Variants in MFHAS1 observed in about 807,000 individuals in gnomAD.
The protein encoded by MFHAS1 is multifunctional ROCO family signaling regulator 1, also known as malignant fibrous histiocytoma-amplified sequence 1.
Under a neutral mutation model 70.4 loss-of-function variants are expected in MFHAS1, and 50 were observed. That is an observed-to-expected ratio of 0.71 (90% CI 0.57 to 0.90). The LOEUF is 0.90. MFHAS1 is among the 40% of genes least tolerant of loss of function. MFHAS1 has a pLI of 0.00. For missense variants in MFHAS1, 1,795 were observed against 1,347.6 expected, an observed-to-expected ratio of 1.33 and a Z score of -5.20; for synonymous variants, 952 against 620.0, an observed-to-expected ratio of 1.54 and a Z score of -7.96.
At position 8,892,523 on chromosome 8, in the gene MFHAS1, C is replaced by CAGGAGAGGG; in HGVS notation, c.527_535dup (p.Ser176_Ser178dup). ...GTCCAGGGTGCGCAGGCGGGAGAGG[C>CAGGAGAGGG]AGGAGAGGGAGTCAGGCAGGTGCGC... On this transcript the variant is annotated inframe_insertion, in exon 1 of 3. Coordinates refer to ENST00000276282, the MANE Select transcript of MFHAS1 (RefSeq NM_004225.3). The surrounding 1 kb of genome is among the most constrained non-coding windows in gnomAD (Gnocchi z 4.7). 1 of 1,596,734 alleles carries CAGGAGAGGG rather than the reference C, an allele frequency of 6.3e-7. No individual in the cohort carries two copies. The highest frequency in any genetic ancestry group is 8.5e-7 in the Non-Finnish European group (1 of 1,171,798).
In MFHAS1 at chr8:8,891,396, G is replaced by C; in HGVS notation, c.1663C>G (p.His555Asp). ...TTCTCCTGCAGGGCGATCTGGCGGT[G>C]AATGTCCAGACATTTCTCCTCCAGC... ...RELEEKCLDI[H>D]RQIALQEKHD... The change falls in exon 1 of 3, where the codon CAC becomes GAC. Residue 555 changes from histidine (H) to aspartate (D), a missense_variant. By Grantham distance (81) the His-to-Asp change is moderately conservative. Coordinates refer to ENST00000276282, the MANE Select transcript of MFHAS1 (RefSeq NM_004225.3). The surrounding 1 kb of genome is among the most constrained non-coding windows in gnomAD (Gnocchi z 5.4). 2 of 1,612,332 alleles carry C rather than the reference G, an allele frequency of 1.2e-6. No homozygotes were observed. The highest frequency in any genetic ancestry group is 8.5e-7 in the Non-Finnish European group (1 of 1,180,022).
chr8:8,790,397 T>C (rs1563174588), intron 2 of MFHAS1: 1 of 984,900 alleles, frequency 1.0e-6, no homozygotes, highest in Non-Finnish European at 1.2e-6. Flanking sequence ...AGAAGCACTA[T>C]CTTTTCCACT....
intron 1 of MFHAS1, among the ~76,000 whole-genome samples, chr8:8,828,780 C>T (rs1807259034): frequency 6.6e-6 from 1 of 152,196 alleles, no homozygotes; most frequent in Non-Finnish European, 1.5e-5. Flanking sequence ...GAGCTGGCCC[C>T]TAATGAATAA....
chr8:8,798,463 C>CCACA (rs1369066031), intron 1 of MFHAS1, among the ~76,000 whole-genome samples: 1 of 151,976 alleles, frequency 6.6e-6, no homozygotes, highest in African/African-American at 2.4e-5. Flanking sequence ...ATAGCTGGGA[C>CCACA]CACAGGTATG....
intron 1 of MFHAS1, among the ~76,000 whole-genome samples, chr8:8,802,032 AC>A (rs1407995576): frequency 6.6e-6 from 1 of 152,216 alleles, no homozygotes; most frequent in African/African-American, 2.4e-5. Context: ...TGTATGTCAA[AC>A]TGCAAAATAA....
intron 1 of MFHAS1, among the ~76,000 whole-genome samples, chr8:8,798,282 A>G (rs538648459): frequency 6.6e-6 from 1 of 152,280 alleles, no homozygotes; most frequent in East Asian, 1.9e-4. Context: ...TGCAGATGGG[A>G]CACATTATTG....
At chr8:8,802,601 G>A (rs1229525657) in intron 1 of MFHAS1, among the ~76,000 whole-genome samples, 5 of 152,210 alleles carry the variant, frequency 3.3e-5, no homozygotes, top group African/African-American at 1.2e-4. Context: ...TTCCTTATAA[G>A]CTACCCAGTT....
At chr8:8,794,445 G>T (rs1805825256) in intron 2 of MFHAS1, among the ~76,000 whole-genome samples, 1 of 152,122 alleles carries the variant, frequency 6.6e-6, no homozygotes, top group Admixed American at 6.5e-5. Context: ...GCCTGGCCCG[G>T]CCTCCACATG....
intron 2 of MFHAS1, among the ~76,000 whole-genome samples, chr8:8,791,887 T>C (rs2409089): frequency 0.95 from 144,956 of 152,232 alleles, 69,056 homozygotes; most frequent in South Asian, 0.99. Context: ...AGGAGCAAGA[T>C]AAGCCACTGC....
intron 1 of MFHAS1, among the ~76,000 whole-genome samples, chr8:8,870,901 T>A (rs1417704188): frequency 6.6e-6 from 1 of 152,222 alleles, no homozygotes; most frequent in Non-Finnish European, 1.5e-5. Context: ...ACCATGTGCA[T>A]TTCACACAAG....
intron 1 of MFHAS1, among the ~76,000 whole-genome samples, chr8:8,873,510 T>TA (rs1433127366): frequency 2.0e-5 from 3 of 152,086 alleles, no homozygotes; most frequent in Non-Finnish European, 4.4e-5. Context: ...AAACACATTT[T>TA]AGAGTGCTGG....
intron 1 of MFHAS1, among the ~76,000 whole-genome samples, chr8:8,858,232 T>C (rs71514514): frequency 0.14 from 20,586 of 152,194 alleles, 1,868 homozygotes; most frequent in Middle Eastern, 0.25. Context: ...ATGCCAAGCA[T>C]TGTCTTAGGC....
intron 2 of MFHAS1, among the ~76,000 whole-genome samples, chr8:8,789,986 T>A (rs1441523716): frequency 2.6e-5 from 4 of 152,054 alleles, no homozygotes; most frequent in Non-Finnish European, 5.9e-5. Context: ...CTTGTGACCA[T>A]CCCGGTACTT....
chr8:8,840,564 C>G (rs974012249), intron 1 of MFHAS1, among the ~76,000 whole-genome samples: 8 of 152,086 alleles, frequency 5.3e-5, no homozygotes, highest in African/African-American at 1.9e-4. Flanking sequence ...TTCATGGACC[C>G]GACCCGGTAA....
chr8:8,802,947 G>A (rs140533591), intron 1 of MFHAS1, among the ~76,000 whole-genome samples: 1 of 152,166 alleles, frequency 6.6e-6, no homozygotes, highest in South Asian at 2.1e-4. Context: ...CTTACCCAAG[G>A]TATGCAGGCT....
intron 2 of MFHAS1, among the ~76,000 whole-genome samples, chr8:8,789,393 C>T (rs547166717): frequency 6.6e-6 from 1 of 152,234 alleles, no homozygotes; most frequent in South Asian, 2.1e-4. Context: ...CAGCTGTACA[C>T]CTGTGAAGCC....
At chr8:8,854,619 A>T (rs1808365002) in intron 1 of MFHAS1, among the ~76,000 whole-genome samples, 1 of 150,668 alleles carries the variant, frequency 6.6e-6, no homozygotes, top group African/African-American at 2.4e-5. Context: ...TTGGAGGTGG[A>T]GGTTGCAGTG....
chr8:8,863,492 G>A (rs1808742190), intron 1 of MFHAS1, among the ~76,000 whole-genome samples: 1 of 152,094 alleles, frequency 6.6e-6, no homozygotes. Context: ...CATCCAGAAT[G>A]GACTGTTACC....
chr8:8,787,658 T>A (rs932870582), intron 2 of MFHAS1, among the ~76,000 whole-genome samples: 1 of 152,226 alleles, frequency 6.6e-6, no homozygotes, highest in Admixed American at 6.5e-5. Context: ...AATCTAACTG[T>A]AAGGAGGACG....
Sources: allele counts gnomAD v4.1 joint callset (sites outside exome capture counted in the v4.1 genomes callset), GRCh38; gene constraint gnomAD v4.1.1; non-coding constraint Gnocchi (gnomAD v3.1); transcripts MANE v1.5; gene names NCBI Gene and HGNC (gene_info 2026-07-23, HGNC 2026-07-21).